NTRK2: variants seen among roughly 807,000 people sequenced by gnomAD.
The protein encoded by NTRK2 is neurotrophic receptor tyrosine kinase 2.
A neutral mutation model predicts 94.5 loss-of-function variants in NTRK2; 13 were observed. That is an observed-to-expected ratio of 0.14 (90% confidence interval 0.09 to 0.22). NTRK2 has a LOEUF of 0.22. Among genes scored for constraint, NTRK2 ranks in the 10% least tolerant of loss-of-function variants. The pLI is 1.00. For missense variants in NTRK2, 639 were observed against 1,071.2 expected (o/e 0.60, Z 5.63); for synonymous variants, 372 against 407.4 (o/e 0.91, Z 1.05).
intron 15 of NTRK2, among the ~76,000 whole-genome samples, chr9:84,948,128 A>G (rs2078661876): frequency 6.6e-6 from 1 of 152,248 alleles, no homozygotes. Context: ...GGTAAGCTGC[A>G]CATAGCATCA....
At chr9:85,007,715 A>T (rs1377536690) in intron 17 of NTRK2, among the ~76,000 whole-genome samples, 1 of 152,120 alleles carries the variant, frequency 6.6e-6, no homozygotes, top group African/African-American at 2.4e-5. Flanking sequence ...AAAAATGAAG[A>T]CCCTCTTATG....
At chr9:84,780,086 C>A (rs2133015643) in intron 12 of NTRK2, among the ~76,000 whole-genome samples, 1 of 151,800 alleles carries the variant, frequency 6.6e-6, no homozygotes, top group Non-Finnish European at 1.5e-5. Flanking sequence ...TATTAACACT[C>A]TTGCCATTAG....
At chr9:84,889,540 G>A (rs1239798978) in intron 14 of NTRK2, among the ~76,000 whole-genome samples, 1 of 152,098 alleles carries the variant, frequency 6.6e-6, no homozygotes, top group Non-Finnish European at 1.5e-5. Flanking sequence ...AGCCTCCTGA[G>A]TAGATGGGAT....
At chr9:85,004,062 AGG>A (rs1830671702) in intron 17 of NTRK2, among the ~76,000 whole-genome samples, 6 of 76,054 alleles carry the variant, frequency 7.9e-5, no homozygotes, top group South Asian at 4.8e-4. Context: ...AGAGAAAGAA[AGG>A]AGAGAGAGAG....
chr9:84,752,697 G>A (rs138729974), intron 12 of NTRK2, among the ~76,000 whole-genome samples: 2 of 152,224 alleles, frequency 1.3e-5, no homozygotes, highest in East Asian at 3.9e-4. Flanking sequence ...TTTTTTTAGA[G>A]GATGGAAAAT....
chr9:84,812,457 T>A, intron 12 of NTRK2: 2 of 1,052,966 alleles, frequency 1.9e-6, no homozygotes, highest in Non-Finnish European at 2.3e-6. Context: ...TGTGGGGAGG[T>A]CCGAACATTT....
At chr9:84,736,172 C>G (rs898057961) in intron 9 of NTRK2, among the ~76,000 whole-genome samples, 2 of 152,170 alleles carry the variant, frequency 1.3e-5, no homozygotes, top group Non-Finnish European at 2.9e-5. Context: ...ATTCTTTAGG[C>G]AGTACATAAA....
intron 9 of NTRK2, among the ~76,000 whole-genome samples, chr9:84,733,928 A>G (rs898334082): frequency 1.3e-5 from 2 of 152,188 alleles, no homozygotes; most frequent in African/African-American, 4.8e-5. Flanking sequence ...TTCAGATCTG[A>G]TGTTTGAACT....
At chr9:85,010,869 G>A (rs1000730433) in intron 17 of NTRK2, among the ~76,000 whole-genome samples, 1 of 152,136 alleles carries the variant, frequency 6.6e-6, no homozygotes, top group Non-Finnish European at 1.5e-5. Context: ...AGGGGTCTTT[G>A]GCTGTTTAAA....
chr9:84,960,972 T>C (rs1259908814), intron 17 of NTRK2, among the ~76,000 whole-genome samples: 5 of 152,178 alleles, frequency 3.3e-5, no homozygotes, highest in Non-Finnish European at 5.9e-5. Context: ...ATAAATAAGG[T>C]ACTCAGATTT....
chr9:84,739,097 C>G (rs144614306), intron 9 of NTRK2, among the ~76,000 whole-genome samples: 1,936 of 152,228 alleles, frequency 0.013, 46 homozygotes, highest in African/African-American at 0.045. Flanking sequence ...GTTGCCCAGG[C>G]TGGAGTGCAG....
chr9:84,991,994 T>G (rs1053277279), intron 17 of NTRK2, among the ~76,000 whole-genome samples: 4 of 152,064 alleles, frequency 2.6e-5, no homozygotes, highest in African/African-American at 9.7e-5. Context: ...GTCTTTTGCC[T>G]CCCTCCATTT....
chr9:84,726,810 C>A (rs1213630332), intron 8 of NTRK2, among the ~76,000 whole-genome samples: 1 of 152,142 alleles, frequency 6.6e-6, no homozygotes, highest in Non-Finnish European at 1.5e-5. Flanking sequence ...TTTGTAATTA[C>A]CAAAGCCAGA....
chr9:84,677,180 T>C (rs2059113187), intron 2 of NTRK2, among the ~76,000 whole-genome samples: 2 of 152,270 alleles, frequency 1.3e-5, no homozygotes, highest in South Asian at 4.1e-4. Flanking sequence ...TTTGCCACAG[T>C]CGGGGGTGCT....
chr9:85,008,273 A>G (rs988234022), intron 17 of NTRK2, among the ~76,000 whole-genome samples: 1 of 152,050 alleles, frequency 6.6e-6, no homozygotes, highest in Non-Finnish European at 1.5e-5. Flanking sequence ...ATGGCCATAG[A>G]ACAAACTCTG....
chr9:84,794,238 A>G (rs1342004219), intron 12 of NTRK2, among the ~76,000 whole-genome samples: 1 of 152,194 alleles, frequency 6.6e-6, no homozygotes, highest in Admixed American at 6.5e-5. Flanking sequence ...ATACAAAATT[A>G]CAAGGAGATT....
intron 11 of NTRK2, among the ~76,000 whole-genome samples, chr9:84,750,951 A>T (rs1891979): frequency 0.026 from 3,941 of 152,320 alleles, 74 homozygotes; most frequent in Admixed American, 0.046. Context: ...ATGGGAGAGG[A>T]TTCACATATA....
intron 12 of NTRK2, among the ~76,000 whole-genome samples, chr9:84,818,869 C>G (rs116762487): frequency 5.3e-4 from 80 of 152,296 alleles, no homozygotes; most frequent in African/African-American, 1.7e-3. Context: ...GTGAAAAATG[C>G]CTGCGCTGTT....
chr9:84,801,503 TC>T (rs1381547223), intron 12 of NTRK2, among the ~76,000 whole-genome samples: 2 of 152,314 alleles, frequency 1.3e-5, no homozygotes, highest in East Asian at 3.9e-4. Context: ...TTCGGTATTC[TC>T]CTGTGACGCT....
Sources: allele counts gnomAD v4.1 joint callset (sites outside exome capture counted in the v4.1 genomes callset), GRCh38; gene constraint gnomAD v4.1.1; transcripts MANE v1.5; gene names NCBI Gene and HGNC (gene_info 2026-07-23, HGNC 2026-07-21).